Variants in TTLL7 observed in about 807,000 individuals in gnomAD.
TTLL7 encodes tubulin tyrosine ligase like 7.
A neutral mutation model predicts 120.2 loss-of-function variants in TTLL7; 53 were observed. The observed-to-expected ratio is 0.44, with a 90% CI of 0.35 to 0.55. The LOEUF (loss-of-function observed/expected upper bound fraction) is 0.55, where lower values mean the gene tolerates loss of function less well. Among genes scored for constraint, TTLL7 ranks in the 20% least tolerant of loss-of-function variants. The pLI, the probability that TTLL7 is intolerant of heterozygous loss-of-function variation, is 0.00. For synonymous variants in TTLL7, 353 were observed against 351.7 expected, an observed-to-expected ratio of 1.00 and a Z score of -0.04; for missense variants, 803 against 1,054.7, an observed-to-expected ratio of 0.76 and a Z score of 3.31.
rs772194748 is a variant in TTLL7 at position 83,951,929 on chromosome 1, G to A, written c.73C>T (p.Gln25Ter). ...PLDLNTELPY[Q>*]STMKRKVRKK... is the part of the protein sequence containing the mutation. ...CTGACTTTCCTTTTCATTGTGCTTT[G>A]ATAAGGTAATTCTGTATTCAAATCC... Residue 25 changes from glutamine to a stop codon, truncating the protein, a stop_gained, in exon 3 of 21, where the codon CAA (glutamine) becomes TAA (stop). Transcript: ENST00000260505. LOFTEE classifies it high-confidence loss of function. The A allele has an allele frequency of 1.2e-6, 2 of 1,612,762 alleles. No homozygotes were observed. Among genetic ancestry groups the A allele is most frequent in the Non-Finnish European group, 1.7e-6 (2 of 1,179,484 alleles).
intron 20 of TTLL7, among the ~76,000 whole-genome samples, chr1:83,882,411 T>C (rs564857159): frequency 3.7e-5 from 2 of 54,734 alleles, no homozygotes; most frequent in South Asian, 5.1e-4. Context: ...GTACTTTCTT[T>C]ACTCTGTGTT....
At chr1:83,977,270 T>C (rs1191217775) in intron 1 of TTLL7, among the ~76,000 whole-genome samples, 5 of 151,952 alleles carry the variant, frequency 3.3e-5, no homozygotes, top group Non-Finnish European at 7.4e-5. Context: ...AATTTAAAAT[T>C]AGAGTAGGAT....
At chr1:83,886,503 G>A (rs1209667998) in intron 19 of TTLL7, among the ~76,000 whole-genome samples, 1 of 152,010 alleles carries the variant, frequency 6.6e-6, no homozygotes, top group East Asian at 1.9e-4. Context: ...ATCATTTTAA[G>A]TAGTCTATAT....
chr1:83,972,580 T>A (rs1275671070), intron 1 of TTLL7, among the ~76,000 whole-genome samples: 2 of 152,110 alleles, frequency 1.3e-5, no homozygotes, highest in Non-Finnish European at 1.5e-5. Flanking sequence ...GGGGTAGACA[T>A]TAAGTTTTCA....
intron 19 of TTLL7, chr1:83,889,962 A>T (rs1007919216): frequency 4.3e-6 from 2 of 464,428 alleles, no homozygotes; most frequent in Non-Finnish European, 4.3e-6. Context: ...TCTTGAGGCT[A>T]AAATGACAAT....
chr1:83,974,733 C>T (rs1185633727), intron 1 of TTLL7, among the ~76,000 whole-genome samples: 3 of 151,882 alleles, frequency 2.0e-5, no homozygotes, highest in African/African-American at 7.3e-5. Flanking sequence ...AAATTAGTAT[C>T]GTTACATGTT....
chr1:83,894,730 C>T (rs1656067772), intron 18 of TTLL7, among the ~76,000 whole-genome samples: 1 of 152,078 alleles, frequency 6.6e-6, no homozygotes, highest in Admixed American at 6.6e-5. Flanking sequence ...CCCCATCAGG[C>T]ACCTCTACCT....
chr1:83,973,307 C>T (rs913436637), intron 1 of TTLL7, among the ~76,000 whole-genome samples: 1 of 152,030 alleles, frequency 6.6e-6, no homozygotes, highest in Admixed American at 6.6e-5. Context: ...GTTGTTCCAG[C>T]ATGATTTGTT....
intron 19 of TTLL7, among the ~76,000 whole-genome samples, chr1:83,889,290 A>C (rs1412572410): frequency 1.3e-5 from 2 of 152,122 alleles, no homozygotes; most frequent in Non-Finnish European, 2.9e-5. Context: ...AACCATCCCC[A>C]TGATTCAATT....
chr1:83,961,998 G>C (rs1001053946), intron 1 of TTLL7, among the ~76,000 whole-genome samples: 4 of 152,070 alleles, frequency 2.6e-5, no homozygotes, highest in Non-Finnish European at 4.4e-5. Context: ...TTGAAACTTA[G>C]GGTCTGTTGT....
chr1:83,915,289 CAG>C (rs1658044877), intron 14 of TTLL7, among the ~76,000 whole-genome samples: 1 of 152,224 alleles, frequency 6.6e-6, no homozygotes, highest in East Asian at 1.9e-4. Context: ...GGTACCAAAA[CAG>C]AGATATAGAC....
At chr1:83,933,835 G>C in intron 8 of TTLL7, 69 bp from the exon 9 acceptor site, 2 of 1,497,334 alleles carry the variant, frequency 1.3e-6, no homozygotes, top group Non-Finnish European at 1.8e-6. Flanking sequence ...ATATAACCGG[G>C]GCCCACAAAC....
Position 83,952,257 on chromosome 1 carries a change from C to CTCTCA in TTLL7, c.-51_-47dup. ...AAGCAGTGTGTGCTGCTGTACCAAG[C>CTCTCA]TCTCAGGAAATCTGGAAATTCCACA... On this transcript the variant is annotated 5_prime_UTR_variant, in exon 2 of 21. In the 5' UTR this introduces an upstream ATG that the reference lacks. Coordinates refer to ENST00000260505, the MANE Select transcript of TTLL7 (RefSeq NM_024686.6). The CTCTCA allele has an allele frequency of 6.2e-7, 1 of 1,610,190 alleles. No homozygotes were observed. Among genetic ancestry groups the CTCTCA allele is most frequent in the Non-Finnish European group, 8.5e-7 (1 of 1,178,070 alleles).
chr1:83,907,392 C>G, intron 16 of TTLL7, 64 bp downstream of exon 16: 1 of 1,437,528 alleles, frequency 7.0e-7, no homozygotes, highest in Non-Finnish European at 9.7e-7. Flanking sequence ...CTCCTCTCAT[C>G]TGATCCCCTT....
rs575524637 is a variant in TTLL7, at chr1:83,903,682, A to G, written c.2208+397T>C. ...TTACACTGTTGTATTGTTTAGGGAT[A>G]ATGACAAGGGAAAAAAAGTCTGTAT... is the stretch of plus-strand genomic sequence containing the variant. On this transcript the variant is annotated intron_variant, in intron 18 of 20. Transcript: ENST00000260505. 2.2e-4 allele frequency among the ~76,000 whole-genome samples: 34 copies of G among 152,178 alleles called. No individual in the cohort carries two copies. In the South Asian group the frequency reaches 6.6e-3, roughly 30 times the overall value.
intron 20 of TTLL7, among the ~76,000 whole-genome samples, chr1:83,881,681 G>A (rs1264209204): frequency 6.6e-5 from 10 of 151,506 alleles, no homozygotes; most frequent in South Asian, 2.1e-4. Context: ...TCAGTGTGGC[G>A]ATTCCTCAGG....
intron 18 of TTLL7, among the ~76,000 whole-genome samples, chr1:83,898,941 C>T (rs1656475560): frequency 6.6e-6 from 1 of 151,614 alleles, no homozygotes; most frequent in African/African-American, 2.4e-5. Context: ...GAGTTCAATA[C>T]CTCTGTTGCT....
intron 1 of TTLL7, among the ~76,000 whole-genome samples, chr1:83,972,981 G>A (rs1651130834): frequency 6.6e-6 from 1 of 151,984 alleles, no homozygotes; most frequent in Non-Finnish European, 1.5e-5. Context: ...TCCTTTGTCA[G>A]ATGTGTCTTT....
rs199618427 is a variant in TTLL7, at chr1:83,964,472, GT to G, written c.-176-12086del. Among the ~76,000 whole-genome samples the G allele has an allele frequency of 2.3e-4, 35 of 152,194 alleles. No individual in the cohort carries two copies. The East Asian group carries it at 5.2e-3, about 23-fold the overall frequency. ...CTCACAGAGTAAACACTGTAGAAATGTATCACCAATCTGTTTAAACTTTAAT... is the reference window on the plus strand; with the variant it reads ...CTCACAGAGTAAACACTGTAGAAATGATCACCAATCTGTTTAAACTTTAAT... On this transcript the variant is annotated intron_variant, in intron 1 of 20. Coordinates refer to ENST00000260505, the MANE Select transcript of TTLL7 (RefSeq NM_024686.6).
Sources: gnomAD v4.1 joint callset for allele counts (sites outside exome capture counted in the v4.1 genomes callset) on GRCh38, gnomAD v4.1.1 for gene constraint, MANE v1.5 for transcripts, NCBI Gene and HGNC (gene_info 2026-07-23, HGNC 2026-07-21) for gene names.